EXTL3: variants seen among roughly 807,000 people sequenced by gnomAD.
EXTL3 encodes exostosin-like 3.
A neutral mutation model predicts 69.3 loss-of-function variants in EXTL3; 27 were observed. That is an observed-to-expected ratio of 0.39 (90% CI 0.29 to 0.54). The LOEUF is 0.54. Ranked by LOEUF, EXTL3 falls within the 20% of genes least tolerant of loss-of-function variation. The probability of loss-of-function intolerance (pLI) is 0.69; values close to 1 mark genes in which losing one functional copy is unlikely to be tolerated. For missense variants in EXTL3, 1,003 were observed against 1,231.8 expected (o/e 0.81, Z 2.78); for synonymous variants, 511 against 499.4 (o/e 1.02, Z -0.31).
chr8:28,744,069 A>G (rs1055312573), intron 6 of EXTL3: 4 of 152,274 alleles, frequency 2.6e-5, no homozygotes, highest in African/African-American at 9.7e-5. Context: ...TCTGTCAGCA[A>G]GTTAGAGCAT....
At position 28,703,059 on chromosome 8, in the gene EXTL3, T is replaced by C. The variant is rs75244024; in HGVS notation, c.-570+1400T>C. 3.6e-3 allele frequency among the ~76,000 whole-genome samples: 544 copies of C among 152,330 alleles called. 7 individuals are homozygous for C. Among genetic ancestry groups the C allele is most frequent in the African/African-American group, 0.012 (517 of 41,582 alleles). ...GAAAAACCGTTTTCTTAAACTGTTATTTGATGTGTTAAAAATACCTTATCC... is the reference window on the plus strand; with the variant it reads ...GAAAAACCGTTTTCTTAAACTGTTACTTGATGTGTTAAAAATACCTTATCC... On this transcript the variant is annotated intron_variant, in intron 1 of 6. Transcript: ENST00000220562.
chr8:28,635,651 C>T, intron 1 of EXTL3, among the ~76,000 whole-genome samples: 1 of 151,040 alleles, frequency 6.6e-6, no homozygotes, highest in East Asian at 2.0e-4. Flanking sequence ...GTGGAGCTTG[C>T]AGTGAGCTGA....
At chr8:28,609,946 T>C (rs1806250434) in intron 2 of EXTL3, among the ~76,000 whole-genome samples, 1 of 145,466 alleles carries the variant, frequency 6.9e-6, no homozygotes, top group African/African-American at 2.5e-5. Context: ...ATGCCTGTAA[T>C]CAATCCTACC....
At chr8:28,683,618 T>C (rs917467258) in intron 1 of EXTL3, among the ~76,000 whole-genome samples, 1 of 152,036 alleles carries the variant, frequency 6.6e-6, no homozygotes, top group Admixed American at 6.6e-5. Flanking sequence ...ATCGAGACCA[T>C]CCTGGCTAAC....
rs191939657 is a variant in EXTL3 at position 28,723,848 on chromosome 8, G to T, written c.2148+5641G>T. Among the ~76,000 whole-genome samples, 1,435 of 152,020 alleles carry T rather than the reference G, an allele frequency of 9.4e-3. 48 individuals are homozygous for T. The highest frequency in any genetic ancestry group is 0.06 in the Admixed American group (924 of 15,274). On this transcript the variant is annotated intron_variant, in intron 3 of 6. Coordinates refer to ENST00000220562, the MANE Select transcript of EXTL3 (RefSeq NM_001440.4). ...GTAGAGTCAGGATTTTGCCATGGTGGCCAGGCTGGTCTCGAACTCCTGACC... is the reference window on the plus strand; with the variant it reads ...GTAGAGTCAGGATTTTGCCATGGTGTCCAGGCTGGTCTCGAACTCCTGACC...
chr8:28,707,675 C>T (rs28417504), intron 1 of EXTL3, among the ~76,000 whole-genome samples: 1,549 of 152,120 alleles, frequency 0.01, 26 homozygotes, highest in African/African-American at 0.035. Flanking sequence ...GGAACTTTGT[C>T]AAACTGCAGG....
intron 5 of EXTL3, chr8:28,739,883 A>T (rs1252471837): frequency 1.5e-4 from 23 of 152,200 alleles, no homozygotes; most frequent in Non-Finnish European, 3.2e-4. Flanking sequence ...GCGTCTACTC[A>T]TACCTTGAGG....
chr8:28,671,832 C>T (rs769569724), intron 1 of EXTL3, among the ~76,000 whole-genome samples: 17 of 152,074 alleles, frequency 1.1e-4, no homozygotes, highest in Non-Finnish European at 2.1e-4. Context: ...CTTTATCGTA[C>T]GGTGAATTCA....
rs1196526972 is a variant in EXTL3 at position 28,743,217 on chromosome 8, G to A, written c.2550+3G>A. On this transcript the variant is annotated splice_donor_region_variant and intron_variant, in intron 6 of 6. Coordinates refer to ENST00000220562, the MANE Select transcript of EXTL3 (RefSeq NM_001440.4). ...TCACTCGGAAGCCCCCCATCAAGGT[G>A]AGGTCCCACCACTGGTGGGGCTGTG... 4 of 1,614,180 alleles carry A rather than the reference G, an allele frequency of 2.5e-6. No homozygotes were observed. The highest frequency in any genetic ancestry group is 1.7e-5 in the Admixed American group (1 of 60,022).
chr8:28,719,368 A>G (rs1801243954), intron 3 of EXTL3, among the ~76,000 whole-genome samples: 1 of 152,220 alleles, frequency 6.6e-6, no homozygotes, highest in African/African-American at 2.4e-5. Context: ...TTAATGTTAA[A>G]GGAGATGGAA....
At chr8:28,650,918 A>G (rs535291102) in intron 1 of EXTL3, among the ~76,000 whole-genome samples, 5 of 151,544 alleles carry the variant, frequency 3.3e-5, no homozygotes, top group Non-Finnish European at 4.4e-5. Flanking sequence ...TTGTTTTTCC[A>G]TATGTATTTT....
chr8:28,718,304 A>G (rs1242229300), intron 3 of EXTL3, 97 bp downstream of exon 3: 2 of 1,215,610 alleles, frequency 1.6e-6, no homozygotes, highest in East Asian at 4.8e-5. Flanking sequence ...CGTAACTTCT[A>G]GCAGAGGAGA....
At chr8:28,677,736 G>GA (rs540665287) in intron 1 of EXTL3, among the ~76,000 whole-genome samples, 384 of 150,098 alleles carry the variant, frequency 2.6e-3, no homozygotes, top group Middle Eastern at 6.9e-3. Context: ...GTTCTGTTAC[G>GA]AAAAAAAAAC....
upstream of EXTL3, among the ~76,000 whole-genome samples, chr8:28,618,825 C>T (rs566965758): frequency 6.6e-6 from 1 of 152,052 alleles, no homozygotes; most frequent in East Asian, 1.9e-4. Context: ...TGGCTCACGC[C>T]TCTAATCCCA....
chr8:28,726,178 T>C (rs910233014), intron 3 of EXTL3, among the ~76,000 whole-genome samples: 1 of 152,088 alleles, frequency 6.6e-6, no homozygotes, highest in Non-Finnish European at 1.5e-5. Flanking sequence ...ATGGTCTGGA[T>C]CTCTTGACCT....
intron 1 of EXTL3, among the ~76,000 whole-genome samples, chr8:28,627,066 C>T (rs1806502732): frequency 6.6e-6 from 1 of 151,904 alleles, no homozygotes; most frequent in African/African-American, 2.4e-5. Flanking sequence ...CCTGTAGTCC[C>T]AGCTACTCAG....
intron 1 of EXTL3, among the ~76,000 whole-genome samples, chr8:28,657,274 A>G (rs961654098): frequency 1.2e-4 from 19 of 152,310 alleles, no homozygotes; most frequent in African/African-American, 4.6e-4. Context: ...ATAAGGAAGA[A>G]AGTGGTTTGA....
intron 1 of EXTL3, among the ~76,000 whole-genome samples, chr8:28,692,322 G>A (rs1348066858): frequency 6.6e-6 from 1 of 152,188 alleles, no homozygotes; most frequent in Non-Finnish European, 1.5e-5. Context: ...CAAGGCTGAA[G>A]GCTTGGGTTG....
At chr8:28,608,769 T>C (rs1245143967) in intron 2 of EXTL3, among the ~76,000 whole-genome samples, 1 of 151,618 alleles carries the variant, frequency 6.6e-6, no homozygotes, top group Non-Finnish European at 1.5e-5. Context: ...GAGCCTGAGG[T>C]AGGAGGATCG....
Sources: gnomAD v4.1 joint callset for allele counts (sites outside exome capture counted in the v4.1 genomes callset) on GRCh38, gnomAD v4.1.1 for gene constraint, MANE v1.5 for transcripts, NCBI Gene and HGNC (gene_info 2026-07-23, HGNC 2026-07-21) for gene names.